The following ZFC3H1 variants were observed in gnomAD, a reference collection of about 807,000 sequenced individuals.
ZFC3H1 encodes zinc finger C3H1-type containing, also known as zinc finger C3H1 domain-containing protein.
A neutral mutation model predicts 243.7 loss-of-function variants in ZFC3H1; 71 were observed. That is an observed-to-expected ratio of 0.29 (90% CI 0.24 to 0.36). The LOEUF (loss-of-function observed/expected upper bound fraction) is 0.36. ZFC3H1 is among the 10% of genes least tolerant of loss of function. The probability of loss-of-function intolerance (pLI) is 1.00; values close to 1 mark genes in which losing one functional copy is unlikely to be tolerated. For synonymous variants in ZFC3H1, 838 were observed against 813.0 expected (o/e 1.03, Z -0.52); for missense variants, 1,966 against 2,317.1 (o/e 0.85, Z 3.11).
At position 71,610,499 on chromosome 12, in the gene ZFC3H1, G is replaced by T. The variant is rs1879742496; in HGVS notation, c.5899C>A (p.Gln1967Lys). 5 of 1,613,442 alleles carry T rather than the reference G, an allele frequency of 3.1e-6. No individual in the cohort carries two copies. Among genetic ancestry groups the T allele is most frequent in the South Asian group, 1.1e-5 (1 of 91,054 alleles). ...TCATTTAGGCTGACTCCAATCTCTT[G>T]GCACTTGGAAACTAGTTTTCTCAGG... is the stretch of plus-strand genomic sequence containing the variant. ...DNLRKLVSKC[Q>K]EIGVSLNELL... is the part of the protein sequence containing the mutation. The change falls in exon 35 of 35, where the codon CAA (glutamine) becomes AAA (lysine). Residue 1967 changes from glutamine to lysine, a missense_variant. Around this residue, in one of 4 missense-constraint regions of ZFC3H1, gnomAD observed 1,383 missense variants for 1,723.7 expected, o/e 0.80. Coordinates refer to ENST00000378743, the MANE Select transcript of ZFC3H1 (RefSeq NM_144982.5).
At position 71,633,256 on chromosome 12, in the gene ZFC3H1, A is replaced by G; in HGVS notation, c.2685+8T>C. 1.3e-6 allele frequency: 2 copies of G among 1,567,422 alleles called. 1 individual carries two copies. The highest frequency in any genetic ancestry group is 1.7e-6 in the Non-Finnish European group (2 of 1,163,216). On this transcript the variant is annotated splice_region_variant and intron_variant, in intron 13 of 34. Coordinates refer to ENST00000378743, the MANE Select transcript of ZFC3H1 (RefSeq NM_144982.5). ...AAACAGGAGACTACAGTATTTTAAA[A>G]TAATTACTTGTTCCTGAAGCTTCTT...
At chr12:71,652,756 T>C (rs1180766731) in intron 2 of ZFC3H1, among the ~76,000 whole-genome samples, 1 of 152,122 alleles carries the variant, frequency 6.6e-6, no homozygotes, top group African/African-American at 2.4e-5. Flanking sequence ...TAGTACTAAA[T>C]TGAAGAGGGG....
In ZFC3H1 at chr12:71,657,279, T is replaced by A. The variant is rs1037558269; in HGVS notation, c.621A>T (p.Pro207=). Residue 207 remains proline (P), a synonymous_variant, in exon 2 of 35, where the codon CCA becomes CCT. Coordinates refer to ENST00000378743, the MANE Select transcript of ZFC3H1 (RefSeq NM_144982.5). ...TTGATGAATAATTTTGTTTTCTTGA[T>A]GGAGACCTTCCAAAACTTTTGGCTG... ...RKSSKSFGRS[P]SRKQNYSSKN... is the part of the protein sequence containing the mutation. 1 of 1,555,612 alleles carries A rather than the reference T, an allele frequency of 6.4e-7. No homozygotes were observed. Among genetic ancestry groups the A allele is most frequent in the South Asian group, 1.2e-5 (1 of 80,018 alleles).
intron 3 of ZFC3H1, among the ~76,000 whole-genome samples, chr12:71,646,128 A>G (rs2137550308): frequency 6.6e-6 from 1 of 152,340 alleles, no homozygotes; most frequent in Non-Finnish European, 1.5e-5. Flanking sequence ...AGTGGATACT[A>G]ACTAATGATT....
intron 1 of ZFC3H1, among the ~76,000 whole-genome samples, chr12:71,659,305 T>C (rs1881103586): frequency 1.3e-5 from 2 of 152,206 alleles, no homozygotes; most frequent in Admixed American, 6.5e-5. Flanking sequence ...TAAATTTCCC[T>C]AATAAAAAAG....
chr12:71,626,249 T>C lies in ZFC3H1; in HGVS notation c.4317+11A>G. 1 of 1,610,308 alleles carries C rather than the reference T, an allele frequency of 6.2e-7. No homozygotes were observed. The highest frequency in any genetic ancestry group is 8.5e-7 in the Non-Finnish European group (1 of 1,177,858). On this transcript the variant is annotated intron_variant, in intron 22 of 34. Transcript: ENST00000378743. ...ACACACACACACACGTACGTTATCT[T>C]TTCTACTCACAGTCCAAAAGCTTTG...
intron 9 of ZFC3H1, 44 bp downstream of exon 9, chr12:71,636,446 T>A (rs762841654): frequency 9.0e-6 from 14 of 1,555,008 alleles, no homozygotes; most frequent in Middle Eastern, 3.5e-4. Context: ...TAGAAATTTA[T>A]CATAACTGTT....
In ZFC3H1 at chr12:71,620,116, G is replaced by A; in HGVS notation, c.4859C>T (p.Ala1620Val). 6.2e-7 allele frequency: 1 copy of A among 1,607,906 alleles called. No homozygotes were observed. The highest frequency in any genetic ancestry group is 1.1e-5 in the South Asian group (1 of 89,910). The change falls in exon 26 of 35, where the codon GCT (alanine) becomes GTT (valine). Residue 1620 changes from alanine to valine, a missense_variant. Physicochemically the swap from Ala to Val is moderately conservative, Grantham distance 64. Coordinates refer to ENST00000378743, the MANE Select transcript of ZFC3H1 (RefSeq NM_144982.5). ...TAAAGATTTACAAAGCTCCATTGCAGCCTCATACCTTAACAAAAAAGAAAA... is the reference window on the plus strand; with the variant it reads ...TAAAGATTTACAAAGCTCCATTGCAACCTCATACCTTAACAAAAAAGAAAA... The part of the protein sequence containing the change: ...ALHQLLERYE[A>V]AMELCKSLLE...
At chr12:71,637,957 G>A (rs1426982286) in intron 7 of ZFC3H1, among the ~76,000 whole-genome samples, 1 of 151,870 alleles carries the variant, frequency 6.6e-6, no homozygotes, top group African/African-American at 2.4e-5. Context: ...AGATGGGGGG[G>A]AAAAGAAATT....
intron 1 of ZFC3H1, among the ~76,000 whole-genome samples, chr12:71,662,228 T>A (rs940999352): frequency 2.0e-5 from 3 of 152,138 alleles, no homozygotes; most frequent in Non-Finnish European, 4.4e-5. Context: ...GTAGGAAAAA[T>A]CTGGAATGTT....
chr12:71,620,568 T>C (rs754945051), intron 24 of ZFC3H1, among the ~76,000 whole-genome samples: 1 of 152,212 alleles, frequency 6.6e-6, no homozygotes, highest in African/African-American at 2.4e-5. Flanking sequence ...ATATGAGCTT[T>C]TGCATCTATC....
At chr12:71,641,014 G>A (rs1880589072) in intron 6 of ZFC3H1, among the ~76,000 whole-genome samples, 1 of 151,768 alleles carries the variant, frequency 6.6e-6, no homozygotes, top group Admixed American at 6.6e-5. Context: ...AATTGATCTT[G>A]AATGGAAAAA....
intron 19 of ZFC3H1, 37 bp from the exon 20 acceptor site, chr12:71,629,074 C>A: frequency 6.6e-7 from 1 of 1,521,398 alleles, no homozygotes. Flanking sequence ...ATTGATATAA[C>A]TAGTTTTTTT....
intron 22 of ZFC3H1, 45 bp downstream of exon 22, chr12:71,626,209 TACACAC>T (rs55719302): frequency 8.8e-5 from 96 of 1,089,406 alleles, no homozygotes; most frequent in East Asian, 2.5e-4. Context: ...CAAATAATTA[TACACAC>T]ACACACACAC....
chr12:71,650,646 G>A (rs1434929690), intron 2 of ZFC3H1, among the ~76,000 whole-genome samples: 4 of 152,096 alleles, frequency 2.6e-5, no homozygotes, highest in Non-Finnish European at 5.9e-5. Context: ...ACAAAAGACA[G>A]AAAACAAAAA....
In ZFC3H1 at chr12:71,619,579, C is replaced by T. The variant is rs550142811; in HGVS notation, c.5050-170G>A. On this transcript the variant is annotated intron_variant, in intron 26 of 34. Transcript: ENST00000378743. Reference sequence around the variant, plus strand: ...ATACTCAGAAAACTTTTATATTTTACTCTCTGAATTAAGTTCAACTAATGA... The same window carrying T: ...ATACTCAGAAAACTTTTATATTTTATTCTCTGAATTAAGTTCAACTAATGA... 6.8e-4 allele frequency among the ~76,000 whole-genome samples: 103 copies of T among 152,250 alleles called. 3 individuals are homozygous for T. In the South Asian group the frequency reaches 0.021, roughly 31 times the overall value.
chr12:71,626,486 C>T, intron 21 of ZFC3H1, 40 bp from the exon 22 acceptor site: 2 of 1,525,778 alleles, frequency 1.3e-6, no homozygotes, highest in Non-Finnish European at 1.8e-6. Flanking sequence ...CTTTTTAGAA[C>T]CTGCTTGAAA....
At position 71,656,869 on chromosome 12, in the gene ZFC3H1, T is replaced by A. The variant is rs1236693368; in HGVS notation, c.1015+16A>T. On this transcript the variant is annotated intron_variant, in intron 2 of 34. Coordinates refer to ENST00000378743, the MANE Select transcript of ZFC3H1 (RefSeq NM_144982.5). ...GAAGAAGAGTCATTACTAACTGAAA[T>A]ATTTAATTCCATTACCTTGACTAGA... is the stretch of plus-strand genomic sequence containing the variant. 6.3e-7 allele frequency: 1 copy of A among 1,586,848 alleles called. No individual in the cohort carries two copies. The highest frequency in any genetic ancestry group is 1.8e-5 in the Admixed American group (1 of 54,880).
chr12:71,611,763 C>T (rs1259497589), intron 32 of ZFC3H1, 23 bp downstream of exon 32: 9 of 1,537,258 alleles, frequency 5.9e-6, no homozygotes, highest in Admixed American at 1.7e-5. Flanking sequence ...GCTATAAAAA[C>T]ATGTACATGA....
Sources: allele counts gnomAD v4.1 joint callset (sites outside exome capture counted in the v4.1 genomes callset), GRCh38; gene constraint gnomAD v4.1.1; regional missense constraint gnomAD v4.1.1; transcripts MANE v1.5; gene names NCBI Gene and HGNC (gene_info 2026-07-23, HGNC 2026-07-21).